MPP7: variants seen among roughly 807,000 people sequenced by gnomAD.
MPP7 encodes MAGUK p55 subfamily member 7.
Under a neutral mutation model 76.5 loss-of-function variants are expected in MPP7, and 60 were observed. That is an observed-to-expected ratio of 0.78 (90% CI 0.64 to 0.97). MPP7 has a LOEUF of 0.97. Among genes scored for constraint, MPP7 ranks in the 50% least tolerant of loss-of-function variants. The pLI, the probability that MPP7 is intolerant of heterozygous loss-of-function variation, is 0.00. For missense variants in MPP7, 641 were observed against 694.0 expected, an observed-to-expected ratio of 0.92 and a Z score of 0.86; for synonymous variants, 237 against 244.5, an observed-to-expected ratio of 0.97 and a Z score of 0.29.
intron 1 of MPP7, among the ~76,000 whole-genome samples, chr10:28,254,522 T>C (rs1012648691): frequency 6.6e-6 from 1 of 152,150 alleles, no homozygotes; most frequent in Admixed American, 6.5e-5. Context: ...TCTATTTTAA[T>C]ATCAAGGAAT....
intron 6 of MPP7, among the ~76,000 whole-genome samples, chr10:28,127,233 G>A (rs1392787876): frequency 3.3e-5 from 5 of 152,084 alleles, no homozygotes; most frequent in Non-Finnish European, 7.4e-5. Flanking sequence ...CAATGAAGTT[G>A]ACCAATGTTT....
intron 2 of MPP7, among the ~76,000 whole-genome samples, chr10:28,324,906 A>G (rs1487135289): frequency 6.6e-6 from 1 of 152,204 alleles, no homozygotes; most frequent in Non-Finnish European, 1.5e-5. Context: ...GCCTAAGTCT[A>G]TAAGTGATAG....
At chr10:28,300,548 T>C (rs1482305308) in intron 1 of MPP7, among the ~76,000 whole-genome samples, 1 of 152,050 alleles carries the variant, frequency 6.6e-6, no homozygotes, top group Non-Finnish European at 1.5e-5. Flanking sequence ...TGGGCTAGAG[T>C]GACAGCCTTG....
intron 1 of MPP7, among the ~76,000 whole-genome samples, chr10:28,282,883 T>C (rs937342884): frequency 9.2e-5 from 14 of 151,918 alleles, no homozygotes; most frequent in Admixed American, 8.5e-4. Flanking sequence ...ATGACATGAC[T>C]GGAAAGTTCT....
chr10:28,284,099 A>C (rs924801382), intron 1 of MPP7, among the ~76,000 whole-genome samples: 1 of 152,204 alleles, frequency 6.6e-6, no homozygotes, highest in Non-Finnish European at 1.5e-5. Flanking sequence ...CTGAACTGAA[A>C]ACAACTGAAC....
intron 1 of MPP7, among the ~76,000 whole-genome samples, chr10:28,247,294 A>G (rs556316308): frequency 5.3e-4 from 80 of 152,202 alleles, no homozygotes; most frequent in Admixed American, 2.2e-3. Context: ...CCTAGGCCCT[A>G]TATCAGAGCT....
chr10:28,151,163 C>T (rs969067532), intron 3 of MPP7, among the ~76,000 whole-genome samples: 1 of 152,148 alleles, frequency 6.6e-6, no homozygotes, highest in Non-Finnish European at 1.5e-5. Flanking sequence ...TAGCCAGATG[C>T]TATTGCTAAG....
At chr10:28,167,018 T>A in intron 3 of MPP7, among the ~76,000 whole-genome samples, 1 of 152,104 alleles carries the variant, frequency 6.6e-6, no homozygotes, top group Non-Finnish European at 1.5e-5. Flanking sequence ...TATTATGAAC[T>A]CTGCTAGTGG....
chr10:28,267,670 T>C (rs1335326290), intron 1 of MPP7, among the ~76,000 whole-genome samples: 1 of 152,142 alleles, frequency 6.6e-6, no homozygotes, highest in Non-Finnish European at 1.5e-5. Context: ...GTCCCAAGCA[T>C]GTCAGATAAG....
intron 1 of MPP7, among the ~76,000 whole-genome samples, chr10:28,266,493 T>A (rs1840153811): frequency 6.6e-6 from 1 of 152,040 alleles, no homozygotes; most frequent in Non-Finnish European, 1.5e-5. Flanking sequence ...TCTCTTGAAC[T>A]CAGGAGTTGG....
At chr10:28,231,464 TAAAAAGA>T (rs1006839544) in intron 2 of MPP7, among the ~76,000 whole-genome samples, 2 of 149,454 alleles carry the variant, frequency 1.3e-5, no homozygotes, top group Non-Finnish European at 3.0e-5. Context: ...GTTTTATATC[TAAAAAGA>T]CTAATAGAAT....
intron 1 of MPP7, among the ~76,000 whole-genome samples, chr10:28,298,258 C>T (rs370607367): frequency 6.6e-6 from 1 of 152,232 alleles, no homozygotes; most frequent in African/African-American, 2.4e-5. Context: ...AGAACAATCA[C>T]TATCTATGGC....
Position 28,119,561 on chromosome 10 carries a change from GGACC to G in MPP7, c.952+86_952+89del, listed in dbSNP as rs1834763844. ...TCCCAAAGTTATTGCTAGGGTAATA[GGACC>G]CTTTGTTCTGCCATGAGCACCTGCT... On this transcript the variant is annotated intron_variant, in intron 11 of 16. Coordinates refer to ENST00000683449, the MANE Select transcript of MPP7 (RefSeq NM_001318170.2). The G allele has an allele frequency of 3.1e-6, 3 of 971,318 alleles. No individual in the cohort carries two copies. In the Admixed American group the frequency reaches 5.7e-5, roughly 18 times the overall value. The allele number at this position is 971,318 out of a possible 1,614,324, so 60.2% of individuals were successfully genotyped here. A position where few individuals can be genotyped will look rare whatever the true frequency, so the allele number is the denominator to read the frequency against.
Position 28,219,625 on chromosome 10 carries a change from A to T in MPP7, c.38-17354T>A, listed in dbSNP as rs1255967036. Reference sequence around the variant, plus strand: ...CCAAAATATCTAGAAGTCATATGGAAAAAGACTTGAGGGAAAAACAAATAT... The same window carrying T: ...CCAAAATATCTAGAAGTCATATGGATAAAGACTTGAGGGAAAAACAAATAT... On this transcript the variant is annotated intron_variant, in intron 2 of 16. Transcript: ENST00000683449. Among the ~76,000 whole-genome samples the T allele has an allele frequency of 2.6e-5, 4 of 152,148 alleles. No individual in the cohort carries two copies. In the East Asian group the frequency reaches 7.7e-4, roughly 29 times the overall value.
chr10:28,235,727 T>C (rs1839051701), intron 2 of MPP7, among the ~76,000 whole-genome samples: 1 of 152,160 alleles, frequency 6.6e-6, no homozygotes, highest in African/African-American at 2.4e-5. Context: ...AAAGGCCTTC[T>C]TAAGCAGAAG....
intron 13 of MPP7, among the ~76,000 whole-genome samples, chr10:28,061,518 T>C (rs1851782534): frequency 6.6e-6 from 1 of 151,546 alleles, no homozygotes. Flanking sequence ...AACAACAAGA[T>C]TTAAAAAATA....
chr10:28,072,197 C>T (rs1000346386), intron 12 of MPP7, among the ~76,000 whole-genome samples: 3 of 152,090 alleles, frequency 2.0e-5, no homozygotes, highest in Non-Finnish European at 4.4e-5. Flanking sequence ...TTGCTTGAAC[C>T]AGGGAGGCGG....
At position 28,186,780 on chromosome 10, in the gene MPP7, A is replaced by G. The variant is rs140455156; in HGVS notation, c.156+15373T>C. On this transcript the variant is annotated intron_variant, in intron 3 of 16. Transcript: ENST00000683449. Reference sequence around the variant, plus strand: ...AATATACATTTCACTGAGCCAGTCAATTCACTTAGTAGAGCAATTTGGTTA... The same window carrying G: ...AATATACATTTCACTGAGCCAGTCAGTTCACTTAGTAGAGCAATTTGGTTA... Among the ~76,000 whole-genome samples, 186 of 152,336 alleles carry G rather than the reference A, an allele frequency of 1.2e-3. 1 individual carries two copies. The highest frequency in any genetic ancestry group is 4.0e-3 in the African/African-American group (168 of 41,588).
At chr10:28,174,932 C>A (rs1459144674) in intron 3 of MPP7, among the ~76,000 whole-genome samples, 1 of 152,118 alleles carries the variant, frequency 6.6e-6, no homozygotes, top group Non-Finnish European at 1.5e-5. Context: ...ATAAATGAAT[C>A]ATATAATTTG....
Sources: allele counts gnomAD v4.1 joint callset (sites outside exome capture counted in the v4.1 genomes callset), GRCh38; gene constraint gnomAD v4.1.1; transcripts MANE v1.5; gene names NCBI Gene and HGNC (gene_info 2026-07-23, HGNC 2026-07-21).